Variants in GTF2IRD1 observed in about 807,000 individuals in gnomAD.
GTF2IRD1 encodes GTF2I repeat domain containing 1.
In GTF2IRD1, 26 loss-of-function variants were observed where a neutral mutation model predicts 113.2. The ratio of observed to expected loss-of-function variants is 0.23; its 90% confidence interval spans 0.17 to 0.32. The LOEUF (loss-of-function observed/expected upper bound fraction) is 0.32. Ranked by LOEUF, GTF2IRD1 falls within the 10% of genes least tolerant of loss-of-function variation. GTF2IRD1 has a pLI of 1.00. For missense variants in GTF2IRD1, 864 were observed against 1,280.8 expected, an observed-to-expected ratio of 0.67 and a Z score of 4.97; for synonymous variants, 484 against 529.1, an observed-to-expected ratio of 0.91 and a Z score of 1.17.
Position 74,558,960 on chromosome 7 carries a change from C to A in GTF2IRD1, c.2207C>A (p.Pro736Gln), listed in dbSNP as rs1554358186. The change falls in exon 21 of 27, where the codon CCG becomes CAG. Residue 736 changes from proline (P) to glutamine (Q), a missense_variant. Around this residue, in one of 7 missense-constraint regions of GTF2IRD1, gnomAD observed 195 missense variants for 359.1 expected, o/e 0.54. Coordinates refer to ENST00000424337, the MANE Select transcript of GTF2IRD1 (RefSeq NM_005685.4). ...ATCGAGGGGCTGCCCCCAGGAATCC[C>A]GTTCCGAAAGCCCTGTACCTTCGGC... is the stretch of plus-strand genomic sequence containing the variant. ...VIIEGLPPGIPFRKPCTFGSQ... is the reference protein window; with the variant it reads ...VIIEGLPPGIQFRKPCTFGSQ... 3 of 1,614,118 alleles carry A rather than the reference C, an allele frequency of 1.9e-6. No homozygotes were observed. The highest frequency in any genetic ancestry group is 2.5e-6 in the Non-Finnish European group (3 of 1,180,006).
At chr7:74,559,165 G>GCA (rs1799796888) in intron 21 of GTF2IRD1, 121 bp downstream of exon 21, 3 of 894,796 alleles carry the variant, frequency 3.4e-6, no homozygotes, top group Middle Eastern at 3.1e-4. Context: ...GGCTCTCCTG[G>GCA]CACCATCCTG....
chr7:74,454,651 A>G (rs931903130), intron 1 of GTF2IRD1, among the ~76,000 whole-genome samples: 1 of 151,818 alleles, frequency 6.6e-6, no homozygotes, highest in Non-Finnish European at 1.5e-5. Context: ...TCCCAGGCGG[A>G]GTCCAGTCCA....
intron 1 of GTF2IRD1, among the ~76,000 whole-genome samples, chr7:74,466,885 G>A (rs1001106175): frequency 6.6e-6 from 1 of 151,836 alleles, no homozygotes; most frequent in Non-Finnish European, 1.5e-5. Context: ...ACCTTGTCAA[G>A]TGAATTAGAA....
chr7:74,491,560 T>C (rs1293340282), intron 1 of GTF2IRD1, among the ~76,000 whole-genome samples: 2 of 152,036 alleles, frequency 1.3e-5, no homozygotes, highest in Admixed American at 1.3e-4. Context: ...CTCCCACTTA[T>C]AAGTGAGAAC....
intron 1 of GTF2IRD1, among the ~76,000 whole-genome samples, chr7:74,457,926 T>C (rs1212815508): frequency 6.7e-6 from 1 of 149,620 alleles, no homozygotes; most frequent in Non-Finnish European, 1.5e-5. Context: ...TCGCCCAGGC[T>C]GGCATGCAGT....
intron 1 of GTF2IRD1, among the ~76,000 whole-genome samples, chr7:74,501,801 AC>A (rs1554339601): frequency 6.6e-6 from 1 of 152,058 alleles, no homozygotes; most frequent in African/African-American, 2.4e-5. Flanking sequence ...ACAGGCACCT[AC>A]CACAGTGCCT....
chr7:74,490,812 C>T (rs1039910183), intron 1 of GTF2IRD1, among the ~76,000 whole-genome samples: 6 of 151,948 alleles, frequency 3.9e-5, no homozygotes, highest in African/African-American at 9.7e-5. Context: ...TTTCTAGTGG[C>T]GCTTCCAAGG....
At chr7:74,585,614 G>A (rs1484697344) in intron 22 of GTF2IRD1, among the ~76,000 whole-genome samples, 1 of 152,042 alleles carries the variant, frequency 6.6e-6, no homozygotes, top group Admixed American at 6.6e-5. Flanking sequence ...GGGCATGGTG[G>A]TTCACGTCTG....
intron 4 of GTF2IRD1, among the ~76,000 whole-genome samples, chr7:74,517,273 C>G (rs1333469867): frequency 1.3e-5 from 2 of 151,148 alleles, no homozygotes; most frequent in African/African-American, 4.9e-5. Context: ...ATCCACCTGC[C>G]TCGGTAATCC....
rs533324461 is a variant in GTF2IRD1 at position 74,479,874 on chromosome 7, T to C, written c.-7+25698T>C. Among the ~76,000 whole-genome samples the C allele has an allele frequency of 6.0e-5, 9 of 149,114 alleles. No individual in the cohort carries two copies. In the East Asian group the frequency reaches 1.9e-3, roughly 31 times the overall value. On this transcript the variant is annotated intron_variant, in intron 1 of 26. Transcript: ENST00000424337. ...TTCAAACAATTCTCCTGTCTCAGCCTCCTGAGTGGCTTATAGGCGCGTCCA... is the reference window on the plus strand; with the variant it reads ...TTCAAACAATTCTCCTGTCTCAGCCCCCTGAGTGGCTTATAGGCGCGTCCA...
intron 22 of GTF2IRD1, among the ~76,000 whole-genome samples, chr7:74,582,043 G>A (rs1156890591): frequency 3.9e-5 from 6 of 152,122 alleles, no homozygotes; most frequent in African/African-American, 1.4e-4. Flanking sequence ...GCTTGGCTGG[G>A]CCATCTGGGT....
intron 22 of GTF2IRD1, among the ~76,000 whole-genome samples, chr7:74,579,889 C>T (rs1554365655): frequency 6.6e-6 from 1 of 152,038 alleles, no homozygotes; most frequent in African/African-American, 2.4e-5. Context: ...TGCCTGCATA[C>T]AGTGGGGAAA....
At chr7:74,552,843 C>G (rs1799390453) in intron 17 of GTF2IRD1, among the ~76,000 whole-genome samples, 1 of 151,704 alleles carries the variant, frequency 6.6e-6, no homozygotes, top group Non-Finnish European at 1.5e-5. Context: ...TGTTTGTTTT[C>G]TATTTTTTGA....
chr7:74,543,321 A>G (rs1253497254), intron 14 of GTF2IRD1, among the ~76,000 whole-genome samples: 1 of 152,016 alleles, frequency 6.6e-6, no homozygotes, highest in East Asian at 1.9e-4. Context: ...AAAAAAAAGA[A>G]AAAGAAAATT....
At chr7:74,557,424 C>T (rs1344651978) in intron 19 of GTF2IRD1, among the ~76,000 whole-genome samples, 2 of 152,208 alleles carry the variant, frequency 1.3e-5, no homozygotes, top group Non-Finnish European at 2.9e-5. Flanking sequence ...AACTTAATTT[C>T]CAACTCATCA....
intron 1 of GTF2IRD1, 26 bp from the exon 2 acceptor site, chr7:74,508,049 C>T: frequency 6.3e-7 from 1 of 1,592,568 alleles, no homozygotes. Context: ...TTGTGCCCAC[C>T]ACCACTGCCT....
intron 22 of GTF2IRD1, among the ~76,000 whole-genome samples, chr7:74,576,617 C>CT (rs1165378230): frequency 0.019 from 959 of 49,342 alleles, 235 homozygotes; most frequent in African/African-American, 0.053. Context: ...ATTTCCTTGT[C>CT]TTTTTTTTTT....
At position 74,521,264 on chromosome 7, in the gene GTF2IRD1, C is replaced by A. The variant is rs863223350; in HGVS notation, c.973C>A (p.Arg325Ser). 1 of 1,611,394 alleles carries A rather than the reference C, an allele frequency of 6.2e-7. No homozygotes were observed. Among genetic ancestry groups the A allele is most frequent in the East Asian group, 2.2e-5 (1 of 44,852 alleles). ...PLIQNVHASK[R>S]ILFSIVHDKS... ...CATCCAGAACGTCCATGCCTCCAAG[C>A]GCATTCTCTTCTCCATCGTCCATGA... Residue 325 changes from arginine (R) to serine (S), a missense_variant, in exon 7 of 27, where the codon CGC becomes AGC. Transcript: ENST00000424337.
chr7:74,526,476 G>A (rs889830020), intron 8 of GTF2IRD1, among the ~76,000 whole-genome samples: 9 of 152,188 alleles, frequency 5.9e-5, no homozygotes, highest in Non-Finnish European at 1.2e-4. Context: ...TGACAGTGTG[G>A]GTGGTACAAA....
Sources: gnomAD v4.1 joint callset for allele counts (sites outside exome capture counted in the v4.1 genomes callset) on GRCh38, gnomAD v4.1.1 for gene constraint, gnomAD v4.1.1 regional missense constraint, MANE v1.5 for transcripts, NCBI Gene and HGNC (gene_info 2026-07-23, HGNC 2026-07-21) for gene names.